ZNF567: variants seen among roughly 807,000 people sequenced by gnomAD.
ZNF567 encodes the protein zinc finger protein 567.
In ZNF567, 36 loss-of-function variants were observed where a neutral mutation model predicts 53.9. That is an observed-to-expected ratio of 0.67 (90% CI 0.51 to 0.88). The LOEUF is 0.88. Ranked by LOEUF, ZNF567 falls within the 40% of genes least tolerant of loss-of-function variation. The probability of loss-of-function intolerance (pLI) is 0.00; values close to 1 mark genes in which losing one functional copy is unlikely to be tolerated. For missense variants in ZNF567, 619 were observed against 764.7 expected, an observed-to-expected ratio of 0.81 and a Z score of 2.25; for synonymous variants, 224 against 260.4, an observed-to-expected ratio of 0.86 and a Z score of 1.35.
At chr19:36,690,261 A>G (rs1477231273) in intron 2 of ZNF567, among the ~76,000 whole-genome samples, 1 of 152,232 alleles carries the variant, frequency 6.6e-6, no homozygotes, top group Non-Finnish European at 1.5e-5. Flanking sequence ...AAGTGACTTT[A>G]CTAATTACAT....
chr19:36,682,322 A>G, the ZNF567 span, among the ~76,000 whole-genome samples: 1 of 151,282 alleles, frequency 6.6e-6, no homozygotes, highest in South Asian at 2.1e-4. Context: ...ACAAGCTACT[A>G]CTATGTACAG....
rs571999852 is a variant in ZNF567 at position 36,691,867 on chromosome 19, C to T, written c.-67+2370C>T. On this transcript the variant is annotated intron_variant, in intron 2 of 5. Coordinates refer to ENST00000682579, the MANE Select transcript of ZNF567 (RefSeq NM_001322917.1). ...CTCACTATGTTGCCCAGGCTGGTCT[C>T]GAACTCCTGAGCTCATGCAATCCTC... 1.8e-4 allele frequency among the ~76,000 whole-genome samples: 28 copies of T among 152,264 alleles called. No homozygotes were observed. The East Asian group carries it at 4.6e-3, about 25-fold the overall frequency.
At chr19:36,670,577 G>C in the ZNF567 span, among the ~76,000 whole-genome samples, 16 of 152,232 alleles carry the variant, frequency 1.1e-4, no homozygotes, top group East Asian at 2.7e-3. Flanking sequence ...ACCAAATGTG[G>C]TTTTGTTGCT....
chr19:36,698,981 C>T (rs1173587617), intron 3 of ZNF567, among the ~76,000 whole-genome samples: 1 of 152,150 alleles, frequency 6.6e-6, no homozygotes, highest in Non-Finnish European at 1.5e-5. Context: ...GTGTTTTAGT[C>T]ATGGAGTCCT....
chr19:36,720,722 TAAAAA>T lies in ZNF567; in HGVS notation c.*55_*59del. The T allele has an allele frequency of 6.9e-7, 1 of 1,444,674 alleles. No individual in the cohort carries two copies. The allele number at this position is 1,444,674 out of a possible 1,614,324, so 89.5% of individuals were successfully genotyped here. A position where few individuals can be genotyped will look rare whatever the true frequency, so the allele number is the denominator to read the frequency against. The stretch of plus-strand genomic sequence containing the variant: ...ACAAGCTGTTGTAAACATTTAGTTT[TAAAAA>T]GAAAAGCATGCTGAAACATGTTAAT... On this transcript the variant is annotated 3_prime_UTR_variant, in exon 6 of 6. Coordinates refer to ENST00000682579, the MANE Select transcript of ZNF567 (RefSeq NM_001322917.1).
the ZNF567 span, among the ~76,000 whole-genome samples, chr19:36,677,484 A>C: frequency 1.5e-5 from 2 of 135,968 alleles, no homozygotes; most frequent in South Asian, 4.6e-4. Flanking sequence ...AAAAAAAAAA[A>C]GGCCAGGCAT....
intron 5 of ZNF567, among the ~76,000 whole-genome samples, chr19:36,713,271 A>G (rs2039879152): frequency 6.6e-6 from 1 of 152,086 alleles, no homozygotes; most frequent in South Asian, 2.1e-4. Flanking sequence ...CCTGAGAATC[A>G]TGGCAAAACC....
the ZNF567 span, among the ~76,000 whole-genome samples, chr19:36,672,012 G>C: frequency 6.6e-6 from 1 of 152,228 alleles, no homozygotes; most frequent in Non-Finnish European, 1.5e-5. Flanking sequence ...CTCATGGGGA[G>C]TTCCCTATGA....
upstream of ZNF567, among the ~76,000 whole-genome samples, chr19:36,683,597 G>A (rs1319649185): frequency 6.6e-6 from 1 of 152,116 alleles, no homozygotes; most frequent in Non-Finnish European, 1.5e-5. Flanking sequence ...ACTTTGGGAG[G>A]CCAAGGCAGA....
At chr19:36,724,760 A>G (rs1943191351), downstream of ZNF567, among the ~76,000 whole-genome samples, 1 of 151,384 alleles carries the variant, frequency 6.6e-6, no homozygotes, top group African/African-American at 2.4e-5. Flanking sequence ...AGGCAGGGGA[A>G]TAGCTTAAAC....
chr19:36,707,151 C>CT (rs368942989), intron 3 of ZNF567, among the ~76,000 whole-genome samples: 2 of 150,328 alleles, frequency 1.3e-5, no homozygotes, highest in Non-Finnish European at 3.0e-5. Context: ...ATTATGTTTT[C>CT]TTTTTTTTTA....
At chr19:36,706,669 G>GTTTTT (rs374899379) in intron 3 of ZNF567, among the ~76,000 whole-genome samples, 9 of 108,968 alleles carry the variant, frequency 8.3e-5, no homozygotes, top group East Asian at 2.9e-4. Flanking sequence ...TTTACTGTTG[G>GTTTTT]TTTTTTTTTT....
At chr19:36,678,513 CA>C in the ZNF567 span, among the ~76,000 whole-genome samples, 1 of 152,086 alleles carries the variant, frequency 6.6e-6, no homozygotes, top group East Asian at 1.9e-4. Flanking sequence ...GGCTAATATT[CA>C]AAATGTAAAA....
At chr19:36,681,511 C>T in the ZNF567 span, among the ~76,000 whole-genome samples, 24 of 152,228 alleles carry the variant, frequency 1.6e-4, no homozygotes, top group African/African-American at 5.5e-4. Context: ...CTCACTACAG[C>T]CTTGACTTCC....
intron 3 of ZNF567, among the ~76,000 whole-genome samples, chr19:36,706,172 A>T (rs2039475821): frequency 1.3e-5 from 2 of 152,194 alleles, no homozygotes; most frequent in African/African-American, 2.4e-5. Flanking sequence ...GCCACATGCT[A>T]CGTGAAGCCC....
At chr19:36,692,320 AC>A (rs1162757950) in intron 2 of ZNF567, among the ~76,000 whole-genome samples, 1 of 152,158 alleles carries the variant, frequency 6.6e-6, no homozygotes. Flanking sequence ...TGCATGGAAA[AC>A]TAGTGATATC....
At chr19:36,726,243 T>G (rs903819886), downstream of ZNF567, among the ~76,000 whole-genome samples, 1 of 152,282 alleles carries the variant, frequency 6.6e-6, no homozygotes, top group Non-Finnish European at 1.5e-5. Context: ...TTCATGTATT[T>G]ATCATATAAT....
At chr19:36,727,010 C>CTTTCTTTCTTTCTTTCTTTCCTTCT, downstream of ZNF567, 1 of 123,888 alleles carries the variant, frequency 8.1e-6, no homozygotes, top group Admixed American at 8.4e-5. Flanking sequence ...TTCTTTCTTT[C>CTTTCTTTCTTTCTTTCTTTCCTTCT]CTTTTTTTTT....
chr19:36,699,326 C>T (rs966203931), intron 3 of ZNF567, among the ~76,000 whole-genome samples: 9 of 152,088 alleles, frequency 5.9e-5, no homozygotes, highest in Non-Finnish European at 1.3e-4. Flanking sequence ...TTACTGTAAC[C>T]TTGTAGTATA....
Sources: gnomAD v4.1 joint callset for allele counts (sites outside exome capture counted in the v4.1 genomes callset) on GRCh38, gnomAD v4.1.1 for gene constraint, MANE v1.5 for transcripts, NCBI Gene and HGNC (gene_info 2026-07-23, HGNC 2026-07-21) for gene names.